Variants in HAPSTR1 observed in about 807,000 individuals in gnomAD.
HAPSTR1 encodes the protein HUWE1 associated protein modifying stress responses, also known as HUWE1-associated protein modifying stress responses 1.
chr16:9,093,109 T>A, the HAPSTR1 span: 3 of 1,082,220 alleles, frequency 2.8e-6, no homozygotes, highest in Non-Finnish European at 4.1e-6. Flanking sequence ...GCTGCTAACC[T>A]TGAATACCTT....
At chr16:9,091,742 G>T in the HAPSTR1 span, 60 of 399,440 alleles carry the variant, frequency 1.5e-4, no homozygotes, top group South Asian at 4.6e-3. Context: ...AGCGCCATGG[G>T]GGGGCGTTAG....
At chr16:9,113,028 TTTTTTTTTG>T in the HAPSTR1 span, 44 of 144,204 alleles carry the variant, frequency 3.1e-4, no homozygotes, top group African/African-American at 1.1e-3. Flanking sequence ...GTTTTTTTTG[TTTTTTTTTG>T]TTTTTTTTTT....
At chr16:9,110,162 T>TC in the HAPSTR1 span, 1 of 150,040 alleles carries the variant, frequency 6.7e-6, no homozygotes, top group African/African-American at 2.4e-5. Context: ...GTTCTCCTTT[T>TC]TTTTTTTTTT....
the HAPSTR1 span, chr16:9,091,894 G>A: frequency 1.3e-5 from 7 of 536,154 alleles, no homozygotes; most frequent in Middle Eastern, 5.6e-4. Context: ...GCCGGCCGTC[G>A]GGGTGCAGGA....
the HAPSTR1 span, among the ~76,000 whole-genome samples, chr16:9,097,864 A>G: frequency 6.6e-6 from 1 of 152,222 alleles, no homozygotes; most frequent in African/African-American, 2.4e-5. Context: ...AACCATTAAT[A>G]GGGGTACATA....
chr16:9,115,054 A>C, the HAPSTR1 span, among the ~76,000 whole-genome samples: 3 of 152,114 alleles, frequency 2.0e-5, no homozygotes. Context: ...TCAGTGCAGA[A>C]AGGAATGGGG....
the HAPSTR1 span, chr16:9,091,923 G>C: frequency 3.6e-6 from 3 of 828,182 alleles, no homozygotes; most frequent in Non-Finnish European, 5.1e-6. Context: ...CCGCTGAAAG[G>C]AGAAGGCGCC....
the HAPSTR1 span, chr16:9,111,071 C>T: frequency 6.6e-6 from 1 of 152,132 alleles, no homozygotes; most frequent in African/African-American, 2.4e-5. Context: ...TGGTATAGTA[C>T]GAAAGAAACG....
At chr16:9,105,654 A>C in the HAPSTR1 span, 1 of 140,122 alleles carries the variant, frequency 7.1e-6, no homozygotes, top group African/African-American at 3.3e-5. Flanking sequence ...GAAACACCAT[A>C]GTTAGGGTAA....
the HAPSTR1 span, chr16:9,103,395 TA>T: frequency 1.1e-6 from 1 of 943,034 alleles, no homozygotes; most frequent in Admixed American, 3.1e-5. Flanking sequence ...AAATGTTTAA[TA>T]GAATGTAAGC....
the HAPSTR1 span, chr16:9,103,500 A>C: frequency 2.1e-6 from 1 of 482,286 alleles, no homozygotes; most frequent in South Asian, 3.1e-5. Flanking sequence ...AAAATGACAT[A>C]TCTTTCTGCA....
the HAPSTR1 span, among the ~76,000 whole-genome samples, chr16:9,098,606 A>G: frequency 6.6e-6 from 1 of 152,154 alleles, no homozygotes; most frequent in East Asian, 1.9e-4. Context: ...TGAGATCTTG[A>G]GGCTAGGAGT....
chr16:9,115,730 T>TA, the HAPSTR1 span, among the ~76,000 whole-genome samples: 3 of 152,108 alleles, frequency 2.0e-5, no homozygotes, highest in Non-Finnish European at 4.4e-5. Context: ...TTCTCCTCCT[T>TA]AGCCTCCCGA....
At chr16:9,103,482 T>C in the HAPSTR1 span, 4 of 526,890 alleles carry the variant, frequency 7.6e-6, no homozygotes, top group South Asian at 5.6e-5. Context: ...TTTGAGCTTA[T>C]TGGTGTTAAA....
chr16:9,093,416 A>T, the HAPSTR1 span, among the ~76,000 whole-genome samples: 1 of 152,206 alleles, frequency 6.6e-6, no homozygotes, highest in Non-Finnish European at 1.5e-5. Flanking sequence ...TGGAAAAGAC[A>T]TTGAGGGAAG....
At chr16:9,103,602 A>G in the HAPSTR1 span, 8 of 205,756 alleles carry the variant, frequency 3.9e-5, no homozygotes, top group African/African-American at 1.9e-4. Context: ...TGTCTTAAGA[A>G]TTCTGTTATA....
the HAPSTR1 span, chr16:9,117,003 T>G: frequency 2.0e-6 from 3 of 1,537,160 alleles, no homozygotes. Flanking sequence ...GAGGCCATCT[T>G]CCCTTGTTCA....
At chr16:9,097,171 C>G in the HAPSTR1 span, among the ~76,000 whole-genome samples, 1 of 151,972 alleles carries the variant, frequency 6.6e-6, no homozygotes, top group Non-Finnish European at 1.5e-5. Context: ...AACTCCTGAC[C>G]TCAGGTGATC....
chr16:9,120,213 G>A, the HAPSTR1 span: 3 of 152,178 alleles, frequency 2.0e-5, no homozygotes, highest in African/African-American at 7.2e-5. Flanking sequence ...GACTAGAAAG[G>A]TTCTTCCAGA....
Sources: allele counts gnomAD v4.1 joint callset (sites outside exome capture counted in the v4.1 genomes callset), GRCh38; gene constraint gnomAD v4.1.1; transcripts MANE v1.5; gene names NCBI Gene and HGNC (gene_info 2026-07-23, HGNC 2026-07-21).